Variants in RASA2 observed in about 807,000 individuals in gnomAD.
RASA2 encodes ras GTPase-activating protein 2.
RASA2 carries 155 observed loss-of-function variants against 118.2 expected under a neutral mutation model. That is an observed-to-expected ratio of 1.31 (90% CI 1.15 to 1.50). The LOEUF (loss-of-function observed/expected upper bound fraction) is 1.50, where lower values mean the gene tolerates loss of function less well. Among genes scored for constraint, RASA2 ranks in the 40% most tolerant of loss-of-function variants. RASA2 has a pLI of 0.00. For missense variants in RASA2, 1,016 were observed against 1,009.6 expected, an observed-to-expected ratio of 1.01 and a Z score of -0.09; for synonymous variants, 353 against 349.1, an observed-to-expected ratio of 1.01 and a Z score of -0.12.
rs756583531 is a variant in RASA2 at position 141,608,672 on chromosome 3, ACT to A, written c.2204_2205del (p.Leu735ArgfsTer18). 6.2e-7 allele frequency: 1 copy of A among 1,613,798 alleles called. No individual in the cohort carries two copies. The highest frequency in any genetic ancestry group is 8.5e-7 in the Non-Finnish European group (1 of 1,179,818). ...WLCCQETGENTLGCKPCTAGV... is the reference protein window; with the variant it reads ...WLCCQETGENXLGCKPCTAGV... ...CTGCTGTCAGGAGACTGGTGAAAAC[ACT>A]CTCGGCTGCAAGCCATGTACTGCGT... On this transcript the variant is annotated frameshift_variant, in exon 21 of 24. Transcript: ENST00000286364. LOFTEE classifies it high-confidence loss of function.
At chr3:141,496,028 G>C (rs1166737638) in intron 1 of RASA2, among the ~76,000 whole-genome samples, 2 of 152,194 alleles carry the variant, frequency 1.3e-5, no homozygotes, top group African/African-American at 4.8e-5. Flanking sequence ...TACATAAAAA[G>C]AGGTCTGAAC....
At chr3:141,511,334 G>A (rs1379295218) in intron 1 of RASA2, among the ~76,000 whole-genome samples, 2 of 152,118 alleles carry the variant, frequency 1.3e-5, no homozygotes, top group African/African-American at 4.8e-5. Context: ...GATCTGGGAG[G>A]CGTTCGCATT....
At chr3:141,548,819 A>G (rs975527623) in intron 5 of RASA2, among the ~76,000 whole-genome samples, 4 of 151,940 alleles carry the variant, frequency 2.6e-5, no homozygotes, top group African/African-American at 9.7e-5. Flanking sequence ...TTCTTTCTAC[A>G]TCTTTTTCCG....
chr3:141,512,275 T>G lies in RASA2; in HGVS notation c.246T>G (p.Ser82=), dbSNP rs922432104. ...EVYRTQVVEK[S]LSPFFSEEFY... is the part of the protein sequence containing the mutation. ...ATCGTACCCAAGTTGTGGAAAAATC[T>G]TTAAGGTTGGTAGAAAAAATTGGTA... The change falls in exon 2 of 24, where the codon TCT becomes TCG. Residue 82 remains serine (S), a synonymous_variant. Transcript: ENST00000286364. The G allele has an allele frequency of 4.5e-6, 7 of 1,572,424 alleles. No homozygotes were observed. Among genetic ancestry groups the G allele is most frequent in the Non-Finnish European group, 5.2e-6 (6 of 1,160,066 alleles).
At position 141,604,432 on chromosome 3, in the gene RASA2, G is replaced by T. The variant is rs1577827209; in HGVS notation, c.1934-3246G>T. Among the ~76,000 whole-genome samples the T allele has an allele frequency of 2.0e-5, 3 of 152,148 alleles. No homozygotes were observed. The East Asian group carries it at 5.8e-4, about 29-fold the overall frequency. ...TTAAATGTTTATATTAATGTCTACAGTTGATCCAAGTCTCCATTCAAGCTG... is the reference window on the plus strand; with the variant it reads ...TTAAATGTTTATATTAATGTCTACATTTGATCCAAGTCTCCATTCAAGCTG... On this transcript the variant is annotated intron_variant, in intron 19 of 23. Transcript: ENST00000286364.
At chr3:141,502,572 T>C (rs991848235) in intron 1 of RASA2, among the ~76,000 whole-genome samples, 1 of 152,184 alleles carries the variant, frequency 6.6e-6, no homozygotes, top group Non-Finnish European at 1.5e-5. Flanking sequence ...ATGTTATGCC[T>C]TCCTCCTGGA....
At chr3:141,601,299 C>T (rs966808743) in intron 19 of RASA2, among the ~76,000 whole-genome samples, 12 of 152,134 alleles carry the variant, frequency 7.9e-5, no homozygotes, top group Middle Eastern at 3.4e-3. Context: ...TGGTGGCCCA[C>T]GGCTGTAATC....
At chr3:141,600,366 T>C (rs563684239) in intron 19 of RASA2, 794 of 502,694 alleles carry the variant, frequency 1.6e-3, no homozygotes, top group Admixed American at 2.9e-3. Flanking sequence ...TGAGGGTTCT[T>C]GTCGGAGGTG....
chr3:141,599,573 A>G (rs2083431780), intron 19 of RASA2, among the ~76,000 whole-genome samples: 1 of 152,196 alleles, frequency 6.6e-6, no homozygotes, highest in Non-Finnish European at 1.5e-5. Context: ...TACATAGTAA[A>G]GTGAATACCA....
At chr3:141,607,866 C>G (rs1283983258) in intron 20 of RASA2, 106 bp downstream of exon 20, 2 of 1,221,052 alleles carry the variant, frequency 1.6e-6, no homozygotes, top group Admixed American at 3.8e-5. Context: ...TCACCTATTA[C>G]TTAGATATTT....
intron 5 of RASA2, among the ~76,000 whole-genome samples, chr3:141,549,484 CGTGTGTGTGTGT>C (rs56036122): frequency 2.1e-5 from 3 of 145,212 alleles, no homozygotes; most frequent in Admixed American, 6.8e-5. Flanking sequence ...TGTGTGTGTG[CGTGTGTGTGTGT>C]GTGTGTGTGT....
At chr3:141,549,352 A>G (rs949691266) in intron 5 of RASA2, among the ~76,000 whole-genome samples, 1 of 152,082 alleles carries the variant, frequency 6.6e-6, no homozygotes, top group Non-Finnish European at 1.5e-5. Flanking sequence ...CCTAAAAGGC[A>G]TGCCTCCCCA....
At chr3:141,602,646 A>C (rs2083483161) in intron 19 of RASA2, among the ~76,000 whole-genome samples, 1 of 152,202 alleles carries the variant, frequency 6.6e-6, no homozygotes, top group African/African-American at 2.4e-5. Flanking sequence ...CTTACAGTGT[A>C]TCTCTCTGTT....
Position 141,577,101 on chromosome 3 carries a change from C to G in RASA2, c.1585C>G (p.His529Asp), listed in dbSNP as rs1278068181. Residue 529 changes from histidine to aspartate, a missense_variant, in exon 15 of 24, where the codon CAT (histidine) becomes GAT (aspartate). This residue lies in a region of RASA2 where 896 missense variants were observed against 836.4 expected (regional missense o/e 1.07). Coordinates refer to ENST00000286364, the MANE Select transcript of RASA2 (RefSeq NM_006506.5). The part of the protein sequence containing the change: ...SPHTFHLRPH[H>D]PDAQTIRTLT... ...TCATACTTTTCATTTGCGACCTCAT[C>G]ATCCAGTAAGTGTTCATTCTTCTGA... The G allele has an allele frequency of 1.3e-6, 2 of 1,581,092 alleles. No homozygotes were observed. Among genetic ancestry groups the G allele is most frequent in the Non-Finnish European group, 1.7e-6 (2 of 1,153,258 alleles).
chr3:141,556,824 T>G (rs1012427883), intron 7 of RASA2, among the ~76,000 whole-genome samples: 4 of 151,868 alleles, frequency 2.6e-5, no homozygotes, highest in Non-Finnish European at 5.9e-5. Flanking sequence ...TGCTGTACTT[T>G]AATAAAGGAA....
chr3:141,543,876 C>CTTTTTTTTTTTTTTTTTTTTTTTTTTTTT (rs529631210), intron 5 of RASA2, among the ~76,000 whole-genome samples: 5 of 117,314 alleles, frequency 4.3e-5, no homozygotes, highest in Non-Finnish European at 6.8e-5. Context: ...TTTCTTTTTT[C>CTTTTTTTTTTTTTTTTTTTTTTTTTTTTT]TTTTTTTTTT....
intron 19 of RASA2, among the ~76,000 whole-genome samples, chr3:141,591,334 G>C (rs1274815216): frequency 6.6e-6 from 1 of 152,004 alleles, no homozygotes; most frequent in Non-Finnish European, 1.5e-5. Context: ...TTAAGTCTTA[G>C]ATCAAGTGTC....
chr3:141,580,318 A>G (rs1404775337), intron 15 of RASA2, 50 bp from the exon 16 acceptor site: 3 of 1,402,380 alleles, frequency 2.1e-6, no homozygotes, highest in Non-Finnish European at 3.0e-6. Flanking sequence ...TTTTTATACA[A>G]ACTATTTTCT....
intron 19 of RASA2, among the ~76,000 whole-genome samples, chr3:141,594,874 T>G (rs577218093): frequency 1.2e-5 from 1 of 85,426 alleles, no homozygotes; most frequent in East Asian, 2.1e-4. Flanking sequence ...AGAATGCCTG[T>G]TTTTTTTTTC....
Sources: allele counts gnomAD v4.1 joint callset (sites outside exome capture counted in the v4.1 genomes callset), GRCh38; gene constraint gnomAD v4.1.1; regional missense constraint gnomAD v4.1.1; transcripts MANE v1.5; gene names NCBI Gene and HGNC (gene_info 2026-07-23, HGNC 2026-07-21).